NDRG4: variants seen among roughly 807,000 people sequenced by gnomAD.
The protein encoded by NDRG4 is protein NDRG4.
Under a neutral mutation model 55.8 loss-of-function variants are expected in NDRG4, and 38 were observed. That is an observed-to-expected ratio of 0.68 (90% CI 0.53 to 0.89). The LOEUF (loss-of-function observed/expected upper bound fraction) is 0.89, where lower values mean the gene tolerates loss of function less well. NDRG4 is among the 40% of genes least tolerant of loss of function. The pLI, the probability that NDRG4 is intolerant of heterozygous loss-of-function variation, is 0.00. For synonymous variants in NDRG4, 190 were observed against 182.7 expected, an observed-to-expected ratio of 1.04 and a Z score of -0.32; for missense variants, 455 against 468.6, an observed-to-expected ratio of 0.97 and a Z score of 0.27.
At chr16:58,508,493 A>AGCT (rs1389257443) in intron 10 of NDRG4, among the ~76,000 whole-genome samples, 4 of 152,146 alleles carry the variant, frequency 2.6e-5, no homozygotes, top group Non-Finnish European at 5.9e-5. Flanking sequence ...GCTGCTGGGA[A>AGCT]GCTGCAGGGT....
At chr16:58,465,803 T>C (rs1399978815) in intron 1 of NDRG4, among the ~76,000 whole-genome samples, 5 of 152,172 alleles carry the variant, frequency 3.3e-5, no homozygotes. Flanking sequence ...GTGGAAGCTG[T>C]TCCTGGGACA....
intron 1 of NDRG4, among the ~76,000 whole-genome samples, chr16:58,479,266 T>C (rs2034111636): frequency 6.6e-6 from 1 of 152,182 alleles, no homozygotes; most frequent in Non-Finnish European, 1.5e-5. Context: ...TAGAATGCTT[T>C]CCCACTCTGT....
chr16:58,509,453 T>A, intron 13 of NDRG4, 101 bp downstream of exon 13: 1 of 1,269,746 alleles, frequency 7.9e-7, no homozygotes, highest in Admixed American at 1.8e-5. Context: ...TGGTGTCAGG[T>A]GGTAGTAGGG....
intron 2 of NDRG4, chr16:58,494,839 A>G: frequency 1.3e-6 from 1 of 780,510 alleles, no homozygotes; most frequent in Non-Finnish European, 2.0e-6. Flanking sequence ...CTCTAAAAAA[A>G]AAAAAAAAGA....
chr16:58,509,927 T>TACACACACACAGACAC (rs1442661336), intron 13 of NDRG4, among the ~76,000 whole-genome samples: 2 of 149,502 alleles, frequency 1.3e-5, no homozygotes, highest in Non-Finnish European at 3.0e-5. Flanking sequence ...TGGAACCAGG[T>TACACACACACAGACAC]ACACACACAC....
intron 1 of NDRG4, among the ~76,000 whole-genome samples, chr16:58,478,387 T>TTA (rs2033966573): frequency 1.5e-5 from 1 of 67,146 alleles, no homozygotes; most frequent in African/African-American, 3.3e-5. Flanking sequence ...AGACTCCATC[T>TTA]AAAAAAAAAA....
At chr16:58,485,738 G>A (rs965969664) in intron 1 of NDRG4, among the ~76,000 whole-genome samples, 2 of 152,120 alleles carry the variant, frequency 1.3e-5, no homozygotes, top group African/African-American at 4.8e-5. Context: ...ACCACTGGGA[G>A]CCGGGACTCC....
intron 1 of NDRG4, among the ~76,000 whole-genome samples, chr16:58,480,030 A>C (rs2034206371): frequency 6.6e-6 from 1 of 152,186 alleles, no homozygotes; most frequent in African/African-American, 2.4e-5. Context: ...GACTGGAGAC[A>C]CAGGTAGGAT....
At chr16:58,479,703 G>T (rs1280328728) in intron 1 of NDRG4, among the ~76,000 whole-genome samples, 2 of 152,068 alleles carry the variant, frequency 1.3e-5, no homozygotes, top group South Asian at 2.1e-4. Context: ...TTGAGTGTCT[G>T]CCCTGTGCCC....
chr16:58,507,768 G>C (rs1466354040), intron 8 of NDRG4, 40 bp from the exon 9 acceptor site: 1 of 1,602,600 alleles, frequency 6.2e-7, no homozygotes, highest in African/African-American at 1.3e-5. Context: ...CCTGTCCTGG[G>C]GTGCCCACCT....
chr16:58,475,569 A>G (rs2033504308), intron 1 of NDRG4: 1 of 454,620 alleles, frequency 2.2e-6, no homozygotes, highest in South Asian at 1.6e-5. Flanking sequence ...ACCCATGGTA[A>G]TAATAAGTAA....
chr16:58,482,134 G>A (rs1034401741), intron 1 of NDRG4, among the ~76,000 whole-genome samples: 1 of 152,090 alleles, frequency 6.6e-6, no homozygotes, highest in South Asian at 2.1e-4. Flanking sequence ...TCCATGTTAC[G>A]GACCCCTCCC....
chr16:58,468,707 C>T (rs533293569), intron 1 of NDRG4, among the ~76,000 whole-genome samples: 10 of 152,176 alleles, frequency 6.6e-5, no homozygotes, highest in South Asian at 2.1e-4. Context: ...GGCAACAGAG[C>T]GAGTCTCAAA....
Position 58,464,694 on chromosome 16 carries a change from C to T in NDRG4, c.-24+897C>T. 1 of 1,174,088 alleles carries T rather than the reference C, an allele frequency of 8.5e-7. No individual in the cohort carries two copies. The highest frequency in any genetic ancestry group is 1.1e-6 in the Non-Finnish European group (1 of 921,110). 72.7% of individuals were successfully genotyped at this position (1,174,088 alleles called of 1,614,324 possible). ...GCGTCCGGGCTGCGGGAGCACCGGT[C>T]AGGGGGTGGCCCCATGGGGTCTCTG... On this transcript the variant is annotated intron_variant, in intron 1 of 15. Coordinates refer to the NDRG4 transcript ENST00000258187. This position sits in a 1 kb window ranked among gnomAD's most constrained non-coding sequence, Gnocchi z 4.8.
At chr16:58,509,057 C>A (rs754514411) in intron 11 of NDRG4, 48 bp downstream of exon 11, 6 of 1,613,948 alleles carry the variant, frequency 3.7e-6, no homozygotes, top group South Asian at 3.3e-5. Context: ...AGCATGGGCC[C>A]AACCTCAGGG....
chr16:58,484,454 G>A (rs1671056163), intron 1 of NDRG4, among the ~76,000 whole-genome samples: 1 of 152,222 alleles, frequency 6.6e-6, no homozygotes, highest in African/African-American at 2.4e-5. Context: ...TTGCAAATAA[G>A]TGAGGCTTTG....
chr16:58,494,933 C>G lies in NDRG4; in HGVS notation c.73-31C>G, dbSNP rs1396850640. ...GCTCCCCAGACCAGCCAGGGCCTAA[C>G]TTGCCACCCCCTCTGTTTGCCTTCC... On this transcript the variant is annotated intron_variant, in intron 2 of 15. Transcript: ENST00000258187. 2.5e-6 allele frequency: 4 copies of G among 1,612,474 alleles called. No individual in the cohort carries two copies. The Admixed American group carries it at 6.7e-5, about 27-fold the overall frequency.
At chr16:58,487,889 C>T in intron 2 of NDRG4, 1 of 1,439,450 alleles carries the variant, frequency 6.9e-7, no homozygotes, top group Non-Finnish European at 9.3e-7. Context: ...TAGGGCCGAG[C>T]GCGCCACCTC....
At chr16:58,475,576 G>A in intron 1 of NDRG4, 2 of 455,008 alleles carry the variant, frequency 4.4e-6, no homozygotes, top group Non-Finnish European at 8.8e-6. Context: ...GTAATAATAA[G>A]TAAGATAAAA....
Sources: allele counts gnomAD v4.1 joint callset (sites outside exome capture counted in the v4.1 genomes callset), GRCh38; gene constraint gnomAD v4.1.1; non-coding constraint Gnocchi (gnomAD v3.1); transcripts MANE v1.5; gene names NCBI Gene and HGNC (gene_info 2026-07-23, HGNC 2026-07-21).